Variants in NKAIN2 observed in about 807,000 individuals in gnomAD.
The protein encoded by NKAIN2 is sodium/potassium transporting ATPase interacting 2, also known as sodium/potassium-transporting ATPase subunit beta-1-interacting protein 2.
NKAIN2 carries 14 observed loss-of-function variants against 32.6 expected under a neutral mutation model. The ratio of observed to expected loss-of-function variants is 0.43; its 90% CI spans 0.28 to 0.67. The LOEUF (loss-of-function observed/expected upper bound fraction) is 0.67. Among genes scored for constraint, NKAIN2 ranks in the 30% least tolerant of loss-of-function variants. The probability of loss-of-function intolerance (pLI) is 0.17; values close to 1 mark genes in which losing one functional copy is unlikely to be tolerated. For missense variants in NKAIN2, 198 were observed against 258.3 expected (o/e 0.77, Z 1.60); for synonymous variants, 80 against 87.2 (o/e 0.92, Z 0.46).
chr6:124,261,839 G>A (rs1305074703), intron 1 of NKAIN2, among the ~76,000 whole-genome samples: 2 of 150,962 alleles, frequency 1.3e-5, no homozygotes, highest in South Asian at 2.1e-4. Context: ...ATCCAGCCTG[G>A]GTGAAAGAGC....
chr6:124,002,706 C>A (rs930237131), intron 1 of NKAIN2, among the ~76,000 whole-genome samples: 3 of 152,104 alleles, frequency 2.0e-5, no homozygotes, highest in Non-Finnish European at 4.4e-5. Context: ...TTCTTTTACG[C>A]CTTTATTGCA....
chr6:124,233,410 T>A (rs1419363900), intron 1 of NKAIN2, among the ~76,000 whole-genome samples: 1 of 152,168 alleles, frequency 6.6e-6, no homozygotes, highest in African/African-American at 2.4e-5. Context: ...TATCCAGGTG[T>A]CCCAGCTCAG....
chr6:124,712,483 A>T (rs1388961008), intron 4 of NKAIN2, among the ~76,000 whole-genome samples: 1 of 115,304 alleles, frequency 8.7e-6, no homozygotes, highest in Non-Finnish European at 1.8e-5. Flanking sequence ...CCGTGGGCGT[A>T]GGACCCTCCA....
intron 1 of NKAIN2, among the ~76,000 whole-genome samples, chr6:124,109,146 G>T (rs1785251428): frequency 6.6e-6 from 1 of 151,826 alleles, no homozygotes; most frequent in African/African-American, 2.4e-5. Flanking sequence ...TGATTTGGGT[G>T]GTTGGACATT....
chr6:123,898,536 C>A (rs1383508185), intron 1 of NKAIN2, among the ~76,000 whole-genome samples: 1 of 149,856 alleles, frequency 6.7e-6, no homozygotes, highest in African/African-American at 2.5e-5. Context: ...GATATCGATT[C>A]CTGGCTCCAG....
At chr6:124,406,405 A>G (rs1172833463) in intron 3 of NKAIN2, among the ~76,000 whole-genome samples, 2 of 152,132 alleles carry the variant, frequency 1.3e-5, no homozygotes, top group African/African-American at 4.8e-5. Context: ...GCATATACCA[A>G]TAGTTAATTT....
chr6:124,059,939 C>CT (rs1490026351), intron 1 of NKAIN2, among the ~76,000 whole-genome samples: 1 of 152,078 alleles, frequency 6.6e-6, no homozygotes, highest in Admixed American at 6.6e-5. Flanking sequence ...AGCAGAGTAC[C>CT]TTGTGAAACA....
intron 3 of NKAIN2, among the ~76,000 whole-genome samples, chr6:124,594,736 A>AT (rs1390452602): frequency 5.9e-5 from 9 of 152,142 alleles, no homozygotes; most frequent in Non-Finnish European, 1.3e-4. Flanking sequence ...ATACTTATAT[A>AT]TGGAGGAGCA....
chr6:124,478,890 G>GA (rs1314986394), intron 3 of NKAIN2, among the ~76,000 whole-genome samples: 1 of 152,088 alleles, frequency 6.6e-6, no homozygotes, highest in Non-Finnish European at 1.5e-5. Flanking sequence ...GGAGAAACCT[G>GA]AAAAACATCA....
intron 4 of NKAIN2, among the ~76,000 whole-genome samples, chr6:124,666,925 G>C (rs920515337): frequency 2.6e-5 from 4 of 151,976 alleles, no homozygotes; most frequent in African/African-American, 9.7e-5. Flanking sequence ...AAACAATAAA[G>C]GTAATGTTAT....
intron 5 of NKAIN2, among the ~76,000 whole-genome samples, chr6:124,808,568 T>C (rs1780711591): frequency 6.6e-6 from 1 of 152,156 alleles, no homozygotes; most frequent in Admixed American, 6.5e-5. Context: ...CTTTGAAAAC[T>C]GGCATAAGAC....
At chr6:123,826,882 A>T (rs1313748105) in intron 1 of NKAIN2, among the ~76,000 whole-genome samples, 1 of 152,144 alleles carries the variant, frequency 6.6e-6, no homozygotes, top group African/African-American at 2.4e-5. Flanking sequence ...GCTAGATCAT[A>T]TGGCATTTCT....
At chr6:124,329,704 C>G (rs184085529) in intron 2 of NKAIN2, among the ~76,000 whole-genome samples, 23 of 152,286 alleles carry the variant, frequency 1.5e-4, no homozygotes, top group Non-Finnish European at 2.2e-4. Context: ...AGTATCATCT[C>G]CAAGTTAGCA....
At chr6:123,998,602 T>G (rs753341819) in intron 1 of NKAIN2, among the ~76,000 whole-genome samples, 5 of 152,092 alleles carry the variant, frequency 3.3e-5, no homozygotes, top group Non-Finnish European at 7.4e-5. Context: ...ATATTGGCTA[T>G]TGTGAAGAAT....
chr6:124,009,167 G>A (rs1325458819), intron 1 of NKAIN2, among the ~76,000 whole-genome samples: 1 of 152,098 alleles, frequency 6.6e-6, no homozygotes, highest in African/African-American at 2.4e-5. Flanking sequence ...TGAGGAGCCT[G>A]TTCCTCATAC....
intron 3 of NKAIN2, among the ~76,000 whole-genome samples, chr6:124,401,611 G>A (rs1385212566): frequency 1.3e-5 from 2 of 152,148 alleles, no homozygotes; most frequent in Admixed American, 1.3e-4. Flanking sequence ...CTTTTTCCAT[G>A]TTGCCATTTC....
chr6:123,941,275 A>ATT (rs539192739), intron 1 of NKAIN2, among the ~76,000 whole-genome samples: 1 of 149,238 alleles, frequency 6.7e-6, no homozygotes. Context: ...TATACTTAAT[A>ATT]TTTTTTTTTT....
At chr6:124,808,522 A>G (rs1321537956) in intron 5 of NKAIN2, among the ~76,000 whole-genome samples, 1 of 152,204 alleles carries the variant, frequency 6.6e-6, no homozygotes, top group African/African-American at 2.4e-5. Flanking sequence ...CCCACAGCCA[A>G]TATCATACTG....
chr6:124,224,203 A>T (rs2114707498), intron 1 of NKAIN2, among the ~76,000 whole-genome samples: 1 of 152,254 alleles, frequency 6.6e-6, no homozygotes. Context: ...GCATTCACAT[A>T]TGCGTGCACA....
Sources: allele counts gnomAD v4.1 joint callset (sites outside exome capture counted in the v4.1 genomes callset), GRCh38; gene constraint gnomAD v4.1.1; transcripts MANE v1.5; gene names NCBI Gene and HGNC (gene_info 2026-07-23, HGNC 2026-07-21).